Variants in ELMO1 observed in about 807,000 individuals in gnomAD.
The protein encoded by ELMO1 is engulfment and cell motility 1.
A neutral mutation model predicts 98.9 loss-of-function variants in ELMO1; 26 were observed. The ratio of observed to expected loss-of-function variants is 0.26; its 90% CI spans 0.19 to 0.36. The LOEUF is 0.36. ELMO1 is among the 10% of genes least tolerant of loss of function. The probability of loss-of-function intolerance (pLI) is 1.00; values close to 1 mark genes in which losing one functional copy is unlikely to be tolerated. For synonymous variants in ELMO1, 346 were observed against 346.0 expected (o/e 1.00, Z 0.00); for missense variants, 627 against 935.2 (o/e 0.67, Z 4.30).
chr7:37,367,695 C>A (rs1437116571), intron 1 of ELMO1, among the ~76,000 whole-genome samples: 1 of 151,986 alleles, frequency 6.6e-6, no homozygotes. Context: ...GGCATAAGAC[C>A]AGCCACAGTT....
At chr7:37,362,070 C>T (rs188994113) in intron 1 of ELMO1, among the ~76,000 whole-genome samples, 81 of 152,062 alleles carry the variant, frequency 5.3e-4, no homozygotes, top group African/African-American at 1.9e-3. Flanking sequence ...TTCTCTTATA[C>T]GAGGTAGCAT....
chr7:37,257,155 GC>G (rs1274571015), intron 6 of ELMO1, among the ~76,000 whole-genome samples: 1 of 152,162 alleles, frequency 6.6e-6, no homozygotes, highest in Non-Finnish European at 1.5e-5. Context: ...ATAAGAGCTG[GC>G]CCCGCCTGGC....
At chr7:37,035,808 T>C (rs939184283) in intron 15 of ELMO1, among the ~76,000 whole-genome samples, 7 of 152,228 alleles carry the variant, frequency 4.6e-5, no homozygotes, top group Non-Finnish European at 8.8e-5. Flanking sequence ...AAACTTTATC[T>C]GGAGATGATT....
intron 16 of ELMO1, among the ~76,000 whole-genome samples, chr7:37,006,432 C>G (rs1448717621): frequency 1.3e-5 from 2 of 152,172 alleles, no homozygotes; most frequent in Admixed American, 1.3e-4. Context: ...TGAGAAAGGA[C>G]TTGGTGGTTA....
chr7:37,009,051 C>G (rs190710336), intron 16 of ELMO1, among the ~76,000 whole-genome samples: 1 of 152,182 alleles, frequency 6.6e-6, no homozygotes, highest in Non-Finnish European at 1.5e-5. Flanking sequence ...AAAGTGTATA[C>G]TCTCATTACA....
intron 15 of ELMO1, among the ~76,000 whole-genome samples, chr7:37,022,941 A>G (rs1304872783): frequency 6.6e-6 from 1 of 152,262 alleles, no homozygotes; most frequent in East Asian, 1.9e-4. Flanking sequence ...GTGTATTCAA[A>G]TAACTTTCAC....
chr7:36,944,597 C>T (rs1787322150), intron 16 of ELMO1, among the ~76,000 whole-genome samples: 1 of 152,214 alleles, frequency 6.6e-6, no homozygotes, highest in African/African-American at 2.4e-5. Flanking sequence ...ACTCATGAAG[C>T]ATGTCACTGG....
Position 37,202,865 on chromosome 7 carries a change from G to A in ELMO1, c.1086+8521C>T, listed in dbSNP as rs112250277. ...CAATGGCTTAGGATGTATTTCAAGG[G>A]TGAGCCTGTTGATGTCTCAGTGTTT... On this transcript the variant is annotated intron_variant, in intron 13 of 21. Coordinates refer to ENST00000310758, the MANE Select transcript of ELMO1 (RefSeq NM_014800.11). 2.6e-5 allele frequency among the ~76,000 whole-genome samples: 4 copies of A among 152,240 alleles called. 1 individual carries two copies. Among genetic ancestry groups the A allele is most frequent in the African/African-American group, 9.6e-5 (4 of 41,534 alleles).
chr7:37,010,887 C>T (rs2129170901), intron 16 of ELMO1, among the ~76,000 whole-genome samples: 1 of 152,292 alleles, frequency 6.6e-6, no homozygotes, highest in African/African-American at 2.4e-5. Context: ...AAAAAGCAAA[C>T]ACGATGAAAG....
intron 1 of ELMO1, among the ~76,000 whole-genome samples, chr7:37,406,175 G>A (rs1447164136): frequency 6.6e-6 from 1 of 152,048 alleles, no homozygotes; most frequent in East Asian, 1.9e-4. Flanking sequence ...ATTAGTTTGG[G>A]AAACAGAAGC....
intron 15 of ELMO1, among the ~76,000 whole-genome samples, chr7:37,034,045 T>C (rs1054211304): frequency 6.6e-6 from 1 of 152,224 alleles, no homozygotes; most frequent in Non-Finnish European, 1.5e-5. Context: ...TTACTTCTAA[T>C]TCCTCACAAC....
intron 13 of ELMO1, among the ~76,000 whole-genome samples, chr7:37,188,845 T>C (rs1253139014): frequency 1.3e-5 from 2 of 152,224 alleles, no homozygotes; most frequent in African/African-American, 4.8e-5. Flanking sequence ...ACCCCATGAC[T>C]GAGCCTTCCA....
chr7:37,031,775 G>C (rs1481476976), intron 15 of ELMO1, among the ~76,000 whole-genome samples: 1 of 152,192 alleles, frequency 6.6e-6, no homozygotes, highest in Admixed American at 6.5e-5. Flanking sequence ...CTTACCCAAT[G>C]GAGCCGAGTT....
At chr7:37,239,137 T>C (rs747259942) in intron 7 of ELMO1, among the ~76,000 whole-genome samples, 1 of 152,100 alleles carries the variant, frequency 6.6e-6, no homozygotes, top group Non-Finnish European at 1.5e-5. Context: ...TAACCTGTTA[T>C]TGTTGTATGA....
At chr7:37,421,585 C>A (rs1374845968) in intron 1 of ELMO1, among the ~76,000 whole-genome samples, 2 of 152,192 alleles carry the variant, frequency 1.3e-5, no homozygotes, top group Non-Finnish European at 2.9e-5. Context: ...CCTGGAGATT[C>A]TCGAATATAA....
chr7:36,887,702 C>T, intron 17 of ELMO1, 30 bp from the exon 18 acceptor site: 1 of 1,605,420 alleles, frequency 6.2e-7, no homozygotes, highest in Non-Finnish European at 8.5e-7. Flanking sequence ...TATTCCACAG[C>T]ATGCCTTGAG....
chr7:37,345,553 A>C (rs1053616970), intron 1 of ELMO1, among the ~76,000 whole-genome samples: 2 of 152,152 alleles, frequency 1.3e-5, no homozygotes, highest in African/African-American at 4.8e-5. Context: ...CTACTAAAAA[A>C]TACAAAAATT....
intron 5 of ELMO1, among the ~76,000 whole-genome samples, chr7:37,260,438 C>T (rs1003964686): frequency 6.6e-6 from 1 of 152,110 alleles, no homozygotes; most frequent in Non-Finnish European, 1.5e-5. Context: ...GGAGAACCAC[C>T]TAGGTATCGA....
At chr7:36,963,570 T>C (rs1403454681) in intron 16 of ELMO1, among the ~76,000 whole-genome samples, 1 of 152,090 alleles carries the variant, frequency 6.6e-6, no homozygotes, top group Non-Finnish European at 1.5e-5. Context: ...TTCGGGTGGA[T>C]GGATTAGAGG....
Sources: allele counts gnomAD v4.1 joint callset (sites outside exome capture counted in the v4.1 genomes callset), GRCh38; gene constraint gnomAD v4.1.1; transcripts MANE v1.5; gene names NCBI Gene and HGNC (gene_info 2026-07-23, HGNC 2026-07-21).